FGF3: variants seen among roughly 807,000 people sequenced by gnomAD.
FGF3 encodes the protein FGF-3.
In FGF3, 7 loss-of-function variants were observed where a neutral mutation model predicts 9.8. That is an observed-to-expected ratio of 0.72 (90% CI 0.41 to 1.35). FGF3 has a LOEUF of 1.35. Ranked by LOEUF, FGF3 falls within the 40% of genes most tolerant of loss-of-function variation. The probability of loss-of-function intolerance (pLI) is 0.01; values close to 1 mark genes in which losing one functional copy is unlikely to be tolerated. For missense variants in FGF3, 390 were observed against 345.6 expected, an observed-to-expected ratio of 1.13 and a Z score of -1.02; for synonymous variants, 173 against 157.2, an observed-to-expected ratio of 1.10 and a Z score of -0.75.
At chr11:69,817,513 G>A (rs1856155529) in intron 1 of FGF3, 2 of 152,292 alleles carry the variant, frequency 1.3e-5, no homozygotes, top group Non-Finnish European at 2.9e-5. Context: ...GTGCGACTCC[G>A]AGGGGGAGCC....
chr11:69,813,306 G>A (rs1206993647), intron 2 of FGF3, among the ~76,000 whole-genome samples: 2 of 152,176 alleles, frequency 1.3e-5, no homozygotes, highest in South Asian at 4.1e-4. Flanking sequence ...TCCGGAAGCC[G>A]GAGGAGGCTC....
chr11:69,810,645 T>C lies in FGF3; in HGVS notation c.380A>G (p.Asn127Ser). 2 of 1,596,558 alleles carry C rather than the reference T, an allele frequency of 1.3e-6. No homozygotes were observed. Among genetic ancestry groups the C allele is most frequent in the Non-Finnish European group, 1.7e-6 (2 of 1,168,446 alleles). ...CCGGTACAGCCGGGAGGCATACGTA[T>C]TATAGCCCAGCTCGTGGATCCGCTC... ...FVERIHELGY[N>S]TYASRLYRTV... The change falls in exon 3 of 3, where the codon AAT (asparagine) becomes AGT (serine). Residue 127 changes from asparagine (N) to serine (S), a missense_variant. Coordinates refer to ENST00000334134, the MANE Select transcript of FGF3 (RefSeq NM_005247.4).
chr11:69,811,098 C>CA (rs1856023385), intron 2 of FGF3, among the ~76,000 whole-genome samples: 1 of 152,206 alleles, frequency 6.6e-6, no homozygotes, highest in Non-Finnish European at 1.5e-5. Flanking sequence ...GTGTGGAGGT[C>CA]AGCAAGGACT....
chr11:69,815,289 G>GGTGGATGA (rs1762570992), intron 2 of FGF3, among the ~76,000 whole-genome samples: 1 of 151,448 alleles, frequency 6.6e-6, no homozygotes, highest in African/African-American at 2.4e-5. Context: ...TGGGTGGATG[G>GGTGGATGA]GTGGATGAGT....
rs181648382 is a variant in FGF3, at chr11:69,811,552, G to C, written c.325-852C>G. On this transcript the variant is annotated intron_variant, in intron 2 of 2. Transcript: ENST00000334134. ...AAGGGAAGGGGACACAGCCAGGTTT[G>C]ATGAGCCCAGACTCTCCATTAAACG... Among the ~76,000 whole-genome samples the C allele has an allele frequency of 5.9e-5, 9 of 152,204 alleles. 1 individual carries two copies. Among genetic ancestry groups the C allele is most frequent in the Admixed American group, 5.9e-4 (9 of 15,288 alleles).
At chr11:69,816,559 A>G in intron 1 of FGF3, 136 bp from the exon 2 acceptor site, 1 of 683,832 alleles carries the variant, frequency 1.5e-6, no homozygotes, top group South Asian at 1.6e-5. Context: ...TCGGGGAGTG[A>G]GTGGAAGTTC....
At chr11:69,812,832 G>A (rs1379137962) in intron 2 of FGF3, among the ~76,000 whole-genome samples, 1 of 152,156 alleles carries the variant, frequency 6.6e-6, no homozygotes, top group Admixed American at 6.5e-5. Flanking sequence ...GCCACTTGAG[G>A]GGTGGGTCAC....
Position 69,818,797 on chromosome 11 carries a change from C to A in FGF3, c.137G>T (p.Arg46Leu), listed in dbSNP as rs887922825. ...YEHLGGAPRR[R>L]KLYCATKYHL... ...GTACTTCGTGGCGCAGTAGAGCTTG[C>A]GGCGCCGGGGCGCCCCGCCAAGGTG... The change falls in exon 1 of 3, where the codon CGC (arginine) becomes CTC (leucine). Residue 46 changes from arginine (R) to leucine (L), a missense_variant. Coordinates refer to ENST00000334134, the MANE Select transcript of FGF3 (RefSeq NM_005247.4). The A allele has an allele frequency of 6.7e-6, 10 of 1,492,852 alleles. No homozygotes were observed. The highest frequency in any genetic ancestry group is 1.3e-5 in the South Asian group (1 of 79,842). The allele number at this position is 1,492,852 out of a possible 1,614,324, so 92.5% of individuals were successfully genotyped here.
At chr11:69,816,053 C>T (rs1856126742) in intron 2 of FGF3, among the ~76,000 whole-genome samples, 1 of 152,194 alleles carries the variant, frequency 6.6e-6, no homozygotes, top group Non-Finnish European at 1.5e-5. Flanking sequence ...GTAGTGATGA[C>T]AAGGATGGGG....
Position 69,810,686 on chromosome 11 carries a change from G to A in FGF3, c.339C>T (p.Ala113=), listed in dbSNP as rs1219364101. The part of the protein sequence containing the change: ...GRLYASEHYS[A]ECEFVERIHE... ...GGATCCGCTCCACAAACTCGCACTC[G>A]GCGCTGTAGTGCTCCTGCGGGGATG... Residue 113 remains alanine (A), a synonymous_variant, in exon 3 of 3, where the codon GCC becomes GCT. Transcript: ENST00000334134. 9 of 1,586,144 alleles carry A rather than the reference G, an allele frequency of 5.7e-6. No individual in the cohort carries two copies. The highest frequency in any genetic ancestry group is 2.3e-5 in the South Asian group (2 of 88,152).
In FGF3 at chr11:69,810,279, G is replaced by T; in HGVS notation, c.*26C>A. 6.5e-7 allele frequency: 1 copy of T among 1,536,064 alleles called. No individual in the cohort carries two copies. The highest frequency in any genetic ancestry group is 8.8e-7 in the Non-Finnish European group (1 of 1,134,810). On this transcript the variant is annotated 3_prime_UTR_variant, in exon 3 of 3. Transcript: ENST00000334134. ...CTGCCACGCCAAGATGTCGCCAGGA[G>T]CTCTGGCGGTGGCCACCAGGCCCAG...
intron 2 of FGF3, among the ~76,000 whole-genome samples, chr11:69,815,235 TG>T (rs1856109221): frequency 7.3e-6 from 1 of 137,788 alleles, no homozygotes; most frequent in African/African-American, 2.8e-5. Flanking sequence ...AATGGAAGGA[TG>T]GGTGGATGGG....
intron 1 of FGF3, 26 bp downstream of exon 1, chr11:69,818,688 G>C (rs1856185002): frequency 6.9e-7 from 1 of 1,445,500 alleles, no homozygotes; most frequent in East Asian, 3.0e-5. Context: ...CGCTTCCCCC[G>C]GGGCCCCGCA....
Position 69,816,380 on chromosome 11 carries a change from G to A in FGF3, c.264C>T (p.Ile88=). ...GGTACCGCCCGGAGAAGAGACCCCTGATGGCCACAATGCCCACCTCCACTG... is the reference window on the plus strand; with the variant it reads ...GGTACCGCCCGGAGAAGAGACCCCTAATGGCCACAATGCCCACCTCCACTG... The part of the protein sequence containing the change: ...ITAVEVGIVA[I]RGLFSGRYLA... Residue 88 remains isoleucine (I), a synonymous_variant, in exon 2 of 3, where the codon ATC becomes ATT. Coordinates refer to ENST00000334134, the MANE Select transcript of FGF3 (RefSeq NM_005247.4). 6.2e-7 allele frequency: 1 copy of A among 1,614,072 alleles called. No homozygotes were observed. The highest frequency in any genetic ancestry group is 8.5e-7 in the Non-Finnish European group (1 of 1,179,994).
rs782454437 is a variant in FGF3 at position 69,810,342 on chromosome 11, G to A, written c.683C>T (p.Ser228Leu). 5.1e-6 allele frequency: 8 copies of A among 1,568,526 alleles called. No individual in the cohort carries two copies. The highest frequency in any genetic ancestry group is 6.9e-6 in the Non-Finnish European group (8 of 1,151,780). ...DNLEPSHVQA[S>L]RLGSQLEASA... is the part of the protein sequence containing the mutation. ...GGCCTCCAGCTGGGAGCCCAGTCTC[G>A]AAGCCTGAACGTGAGAGGGCTCCAG... is the stretch of plus-strand genomic sequence containing the variant. The change falls in exon 3 of 3, where the codon TCG becomes TTG. Residue 228 changes from serine to leucine, a missense_variant. Transcript: ENST00000334134.
chr11:69,812,587 C>T (rs972205212), intron 2 of FGF3, among the ~76,000 whole-genome samples: 1 of 152,208 alleles, frequency 6.6e-6, no homozygotes, highest in Admixed American at 6.5e-5. Flanking sequence ...AGTGTCTGAT[C>T]TGTGCCTGAC....
chr11:69,815,034 G>T (rs1856103263), intron 2 of FGF3, among the ~76,000 whole-genome samples: 1 of 152,052 alleles, frequency 6.6e-6, no homozygotes, highest in South Asian at 2.1e-4. Context: ...TGGGTGAGTG[G>T]GTGGGTGGAT....
At position 69,816,341 on chromosome 11, in the gene FGF3, C is replaced by G. The variant is rs61623544; in HGVS notation, c.303G>C (p.Lys101Asn). ...LFSGRYLAMN[K>N]RGRLYASEHY... ...TCACCGAAGCATAGAGTCGTCCCCT[C>G]TTGTTCATGGCCAGGTACCGCCCGG... Residue 101 changes from lysine to asparagine, a missense_variant, in exon 2 of 3, where the codon AAG becomes AAC. Physicochemically the swap from Lys to Asn is moderately conservative, Grantham distance 94 (BLOSUM62 0). Transcript: ENST00000334134. 911 of 1,614,046 alleles carry G rather than the reference C, an allele frequency of 5.6e-4. 9 individuals are homozygous for G. In the African/African-American group the frequency reaches 0.011, roughly 19 times the overall value.
At chr11:69,815,493 G>A (rs1278466980) in intron 2 of FGF3, among the ~76,000 whole-genome samples, 3 of 152,204 alleles carry the variant, frequency 2.0e-5, no homozygotes, top group African/African-American at 7.2e-5. Context: ...TCTGCGAGAG[G>A]GAGCTGCGGG....
Sources: allele counts gnomAD v4.1 joint callset (sites outside exome capture counted in the v4.1 genomes callset), GRCh38; gene constraint gnomAD v4.1.1; transcripts MANE v1.5; gene names NCBI Gene and HGNC (gene_info 2026-07-23, HGNC 2026-07-21).